The following UMODL1 variants were observed in gnomAD, a reference collection of about 807,000 sequenced individuals.
UMODL1 encodes uromodulin-like 1.
A neutral mutation model predicts 136.3 loss-of-function variants in UMODL1; 128 were observed. The observed-to-expected ratio is 0.94, with a 90% CI of 0.81 to 1.09. UMODL1 has a LOEUF of 1.09. Ranked by LOEUF, UMODL1 falls within the 50% of genes least tolerant of loss-of-function variation. UMODL1 has a pLI of 0.00. For missense variants in UMODL1, 1,766 were observed against 1,725.6 expected (o/e 1.02, Z -0.41); for synonymous variants, 721 against 720.0 (o/e 1.00, Z -0.02).
chr21:42,077,121 A>G (rs2066303816), intron 2 of UMODL1, among the ~76,000 whole-genome samples: 1 of 151,030 alleles, frequency 6.6e-6, no homozygotes. Flanking sequence ...CTGTACAGTC[A>G]GAAGGTCCTG....
intron 11 of UMODL1, 178 bp downstream of exon 11, chr21:42,111,299 ACCAGCCACGCGAACT>A (rs1569162947): frequency 7.2e-7 from 1 of 1,397,988 alleles, no homozygotes; most frequent in Non-Finnish European, 9.6e-7. Flanking sequence ...CCAGCGGAGC[ACCAGCCACGCGAACT>A]CCAGCCAGGG....
Position 42,121,167 on chromosome 21 carries a change from A to G in UMODL1, c.2770A>G (p.Ser924Gly). ...CRNTLGSFTCSCEGGAPDFPV... is the reference protein window; with the variant it reads ...CRNTLGSFTCGCEGGAPDFPV... ...AAACACCCTCGGGTCTTTCACTTGT[A>G]GCTGCGAGGGAGGAGCCCCCGACTT... The change falls in exon 16 of 23, where the codon AGC (serine) becomes GGC (glycine). Residue 924 changes from serine to glycine, a missense_variant. By Grantham distance (56) the Ser-to-Gly change is moderately conservative. Transcript: ENST00000408910. 6.2e-7 allele frequency: 1 copy of G among 1,614,120 alleles called. No individual in the cohort carries two copies. Among genetic ancestry groups the G allele is most frequent in the Non-Finnish European group, 8.5e-7 (1 of 1,179,998 alleles).
intron 17 of UMODL1, among the ~76,000 whole-genome samples, chr21:42,124,859 T>C (rs1569173388): frequency 6.6e-6 from 1 of 152,124 alleles, no homozygotes; most frequent in Non-Finnish European, 1.5e-5. Context: ...GAGTTCTACA[T>C]GCATGATGAT....
intron 14 of UMODL1, among the ~76,000 whole-genome samples, chr21:42,117,067 C>A (rs998645513): frequency 1.3e-5 from 2 of 151,350 alleles, no homozygotes; most frequent in African/African-American, 4.9e-5. Context: ...CAGAGCAAGA[C>A]CCCATCTCAA....
chr21:42,137,475 G>A lies in UMODL1; in HGVS notation c.3812G>A (p.Gly1271Asp). ...PPHAEAGLGA[G>D]YVVLIVVAIF... ...CATGCAGAAGCAGGCCTGGGTGCCG[G>A]TTATGTGGTCCTTATTGTGGTGGCC... is the stretch of plus-strand genomic sequence containing the variant. Residue 1271 changes from glycine to aspartate, a missense_variant, in exon 22 of 23, where the codon GGT (glycine) becomes GAT (aspartate). Coordinates refer to ENST00000408910, the MANE Select transcript of UMODL1 (RefSeq NM_001004416.3). The A allele has an allele frequency of 6.2e-7, 1 of 1,614,258 alleles. No individual in the cohort carries two copies. The highest frequency in any genetic ancestry group is 8.5e-7 in the Non-Finnish European group (1 of 1,180,052).
chr21:42,090,551 A>AAGGCACCCCTCAACCGACG, intron 6 of UMODL1, 113 bp downstream of exon 6: 1 of 1,323,906 alleles, frequency 7.6e-7, no homozygotes. Flanking sequence ...TAACTCTGCC[A>AAGGCACCCCTCAACCGACG]TGAAATATCT....
intron 13 of UMODL1, among the ~76,000 whole-genome samples, chr21:42,114,045 A>G (rs1032474624): frequency 6.6e-6 from 1 of 152,194 alleles, no homozygotes; most frequent in African/African-American, 2.4e-5. Flanking sequence ...GCCCACGGGT[A>G]TGGAGGCGGC....
intron 7 of UMODL1, among the ~76,000 whole-genome samples, chr21:42,101,353 T>C (rs1211732747): frequency 2.0e-5 from 3 of 152,068 alleles, no homozygotes; most frequent in Non-Finnish European, 4.4e-5. Flanking sequence ...GATGGGAGAT[T>C]CACAGGGGCC....
intron 11 of UMODL1, 173 bp from the exon 12 acceptor site, chr21:42,111,333 G>C: frequency 6.2e-7 from 1 of 1,604,930 alleles, no homozygotes; most frequent in African/African-American, 1.3e-5. Flanking sequence ...GGGAGCCCCA[G>C]CCAGGGGAGC....
rs778678679 is a variant in UMODL1 at position 42,099,012 on chromosome 21, C to T, written c.1018C>T (p.His340Tyr). The T allele has an allele frequency of 6.2e-7, 1 of 1,614,194 alleles. No homozygotes were observed. Among genetic ancestry groups the T allele is most frequent in the Admixed American group, 1.7e-5 (1 of 60,024 alleles). ...VSWRLNSTQNHTFHVRVYRGM... is the reference protein window; with the variant it reads ...VSWRLNSTQNYTFHVRVYRGM... ...CTGGCGTTTAAATTCTACACAGAAC[C>T]ACACTTTCCATGTCCGGGTTTACCG... Residue 340 changes from histidine to tyrosine, a missense_variant, in exon 7 of 23, where the codon CAC (histidine) becomes TAC (tyrosine). His to Tyr is a moderately conservative substitution (Grantham distance 83). Coordinates refer to ENST00000408910, the MANE Select transcript of UMODL1 (RefSeq NM_001004416.3). This position sits in a 1 kb window ranked among gnomAD's most constrained non-coding sequence, Gnocchi z 4.1.
chr21:42,074,812 C>A lies in UMODL1; in HGVS notation c.77-1193C>A, dbSNP rs144972762. On this transcript the variant is annotated intron_variant, in intron 1 of 22. Transcript: ENST00000408910. ...TGATCTGGGCTCACTGCAACCTCCG[C>A]CTCCTGGGTTCAAGCAATTCTCCTG... is the stretch of plus-strand genomic sequence containing the variant. Among the ~76,000 whole-genome samples the A allele has an allele frequency of 3.9e-3, 593 of 152,268 alleles. 1 individual carries two copies. The highest frequency in any genetic ancestry group is 6.6e-3 in the Non-Finnish European group (449 of 68,016).
intron 22 of UMODL1, 84 bp from the exon 23 acceptor site, chr21:42,142,012 A>G (rs545466850): frequency 6.6e-6 from 1 of 152,252 alleles, no homozygotes; most frequent in Non-Finnish European, 1.5e-5. Flanking sequence ...TGTTTCCTCC[A>G]CTACCCCTCC....
chr21:42,085,618 C>T lies in UMODL1; in HGVS notation c.603+206C>T. The T allele has an allele frequency of 1.4e-6, 1 of 720,940 alleles. No individual in the cohort carries two copies. Among genetic ancestry groups the T allele is most frequent in the Non-Finnish European group, 2.2e-6 (1 of 449,118 alleles). 44.7% of individuals were successfully genotyped at this position (720,940 alleles called of 1,614,324 possible). ...TTTACATGCAACAAAATGCACACAA[C>T]TGAAGCGTGTAGTTGGCTGAGTTGT... is the stretch of plus-strand genomic sequence containing the variant. On this transcript the variant is annotated intron_variant, in intron 4 of 22. Coordinates refer to ENST00000408910, the MANE Select transcript of UMODL1 (RefSeq NM_001004416.3). This position sits in a 1 kb window ranked among gnomAD's most constrained non-coding sequence, Gnocchi z 4.5.
intron 21 of UMODL1, among the ~76,000 whole-genome samples, chr21:42,136,623 A>T (rs2067208147): frequency 6.6e-6 from 1 of 152,156 alleles, no homozygotes; most frequent in South Asian, 2.1e-4. Context: ...TGGACACTTC[A>T]GTTGTTGCCA....
At position 42,127,679 on chromosome 21, in the gene UMODL1, G is replaced by T; in HGVS notation, c.3538G>T (p.Val1180Leu). The stretch of plus-strand genomic sequence containing the variant: ...CATTTCCTCTCTTCTCAGCTGCCCT[G>T]TGCCCAACACATACACCAACGTGAT... Reference protein sequence around the residue: ...TFSFINNSCPVPNTYTNVIEN... With the variant: ...TFSFINNSCPLPNTYTNVIEN... Residue 1180 changes from valine to leucine, a missense_variant, in exon 20 of 23, where the codon GTG becomes TTG. Physicochemically the swap from Val to Leu is conservative, Grantham distance 32. Transcript: ENST00000408910. 6.2e-7 allele frequency: 1 copy of T among 1,613,516 alleles called. No homozygotes were observed. The highest frequency in any genetic ancestry group is 8.5e-7 in the Non-Finnish European group (1 of 1,179,826).
At chr21:42,098,900 C>T (rs761535504) in intron 6 of UMODL1, 26 bp from the exon 7 acceptor site, 3 of 1,611,426 alleles carry the variant, frequency 1.9e-6, no homozygotes, top group Non-Finnish European at 2.5e-6. Context: ...ACCCTTTGCT[C>T]ATCTTCTCTG....
In UMODL1 at chr21:42,127,832, G is replaced by T. The variant is rs376393066; in HGVS notation, c.3690+1G>T. On this transcript the variant is annotated splice_donor_variant, in intron 20 of 22. Transcript: ENST00000408910. LOFTEE classifies it high-confidence loss of function. The stretch of plus-strand genomic sequence containing the variant: ...ATCCCCCGGAGCCACGTGCAAAATC[G>T]TAAGTGTTTTTTGGTTTTCTAAACG... 4 of 1,610,928 alleles carry T rather than the reference G, an allele frequency of 2.5e-6. No homozygotes were observed. Among genetic ancestry groups the T allele is most frequent in the Non-Finnish European group, 3.4e-6 (4 of 1,178,836 alleles).
At chr21:42,081,278 G>A (rs1294362882) in intron 2 of UMODL1, among the ~76,000 whole-genome samples, 1 of 152,200 alleles carries the variant, frequency 6.6e-6, no homozygotes, top group Non-Finnish European at 1.5e-5. Flanking sequence ...AGACAGGAGC[G>A]ACTCCTCCTC....
intron 6 of UMODL1, among the ~76,000 whole-genome samples, chr21:42,098,019 C>T (rs1411317762): frequency 6.6e-6 from 1 of 152,210 alleles, no homozygotes; most frequent in African/African-American, 2.4e-5. Flanking sequence ...TGCAGAAGTT[C>T]TCGTGCAAAT....
Sources: gnomAD v4.1 joint callset for allele counts (sites outside exome capture counted in the v4.1 genomes callset) on GRCh38, gnomAD v4.1.1 for gene constraint, Gnocchi (gnomAD v3.1) non-coding constraint, MANE v1.5 for transcripts, NCBI Gene and HGNC (gene_info 2026-07-23, HGNC 2026-07-21) for gene names.